The following FKBP5 variants were observed in gnomAD, a reference collection of about 807,000 sequenced individuals.
FKBP5 encodes peptidyl-prolyl cis-trans isomerase FKBP5.
FKBP5 carries 23 observed loss-of-function variants against 50.5 expected under a neutral mutation model. The observed-to-expected ratio is 0.46, with a 90% CI of 0.33 to 0.65. The LOEUF (loss-of-function observed/expected upper bound fraction) is 0.65, where lower values mean the gene tolerates loss of function less well. Among genes scored for constraint, FKBP5 ranks in the 30% least tolerant of loss-of-function variants. The probability of loss-of-function intolerance (pLI) is 0.02; values close to 1 mark genes in which losing one functional copy is unlikely to be tolerated. For missense variants in FKBP5, 411 were observed against 553.1 expected, an observed-to-expected ratio of 0.74 and a Z score of 2.58; for synonymous variants, 176 against 190.6, an observed-to-expected ratio of 0.92 and a Z score of 0.63.
At chr6:35,591,013 CTT>C in intron 7 of FKBP5, 115 bp downstream of exon 7, 2 of 602,464 alleles carry the variant, frequency 3.3e-6, no homozygotes, top group African/African-American at 1.9e-5. Context: ...AAGAGACAAA[CTT>C]GATAATGAAT....
rs1255969216 is a variant in FKBP5, at chr6:35,589,116, ATATATATATATATT to A, written c.756+2000_757-2000del. On this transcript the variant is annotated intron_variant, in intron 7 of 10. Coordinates refer to ENST00000357266, the MANE Select transcript of FKBP5 (RefSeq NM_004117.4). ...TTTATATATATATATATTTTTATATATATATATATATATTTTTTTTTTTTTCCTCTGAGACGGAG... is the reference window on the plus strand; with the variant it reads ...TTTATATATATATATATTTTTATATATTTTTTTTTTTCCTCTGAGACGGAG... Among the ~76,000 whole-genome samples the A allele has an allele frequency of 2.5e-3, 307 of 124,794 alleles. 1 individual carries two copies. The highest frequency in any genetic ancestry group is 8.4e-3 in the African/African-American group (263 of 31,146). 81.9% of individuals were successfully genotyped at this position (124,794 alleles called of 152,430 possible). A position where few individuals can be genotyped will look rare whatever the true frequency, so the allele number is the denominator to read the frequency against.
In FKBP5 at chr6:35,637,169, C is replaced by G; in HGVS notation, c.106-11G>C. On this transcript the variant is annotated splice_polypyrimidine_tract_variant and intron_variant, in intron 2 of 10. Coordinates refer to ENST00000357266, the MANE Select transcript of FKBP5 (RefSeq NM_004117.4). ...CACTCTTTTGACAATCTAGAAAAGACAAACATTAAGAAAAAGGAGGTCAAA... is the reference window on the plus strand; with the variant it reads ...CACTCTTTTGACAATCTAGAAAAGAGAAACATTAAGAAAAAGGAGGTCAAA... 3 of 1,601,200 alleles carry G rather than the reference C, an allele frequency of 1.9e-6. No homozygotes were observed. Among genetic ancestry groups the G allele is most frequent in the Non-Finnish European group, 2.5e-6 (3 of 1,177,298 alleles).
intron 2 of FKBP5, among the ~76,000 whole-genome samples, chr6:35,702,419 A>T (rs1766205262): frequency 6.6e-6 from 1 of 151,808 alleles, no homozygotes; most frequent in South Asian, 2.1e-4. Context: ...AATGGTGCTA[A>T]AACAACTGGA....
chr6:35,690,033 A>T (rs565782284), upstream of FKBP5, among the ~76,000 whole-genome samples: 4 of 152,322 alleles, frequency 2.6e-5, no homozygotes, highest in East Asian at 5.8e-4. Flanking sequence ...GTGGGACCTA[A>T]TAGTTACCTA....
intron 3 of FKBP5, among the ~76,000 whole-genome samples, chr6:35,625,425 T>A (rs760102286): frequency 6.6e-6 from 1 of 151,736 alleles, no homozygotes; most frequent in African/African-American, 2.4e-5. Context: ...ATCTTCAGGA[T>A]CTCAGTCATA....
chr6:35,603,562 A>C (rs1479717478), intron 5 of FKBP5, among the ~76,000 whole-genome samples: 1 of 152,170 alleles, frequency 6.6e-6, no homozygotes, highest in Non-Finnish European at 1.5e-5. Context: ...AATTCTAGGA[A>C]GCTATACAAA....
At chr6:35,591,602 C>A (rs980347644) in intron 6 of FKBP5, among the ~76,000 whole-genome samples, 1 of 151,668 alleles carries the variant, frequency 6.6e-6, no homozygotes, top group African/African-American at 2.4e-5. Context: ...GTTTTATCAG[C>A]AAAAAGGACA....
intron 1 of FKBP5, among the ~76,000 whole-genome samples, chr6:35,644,780 T>G (rs1375799118): frequency 6.6e-6 from 1 of 152,176 alleles, no homozygotes. Context: ...CACAGAAACT[T>G]GTAAAAGGCA....
At chr6:35,638,200 T>C (rs1040326591) in intron 2 of FKBP5, among the ~76,000 whole-genome samples, 1 of 152,208 alleles carries the variant, frequency 6.6e-6, no homozygotes, top group Non-Finnish European at 1.5e-5. Flanking sequence ...TTGTAATCTA[T>C]GCCAAATTAA....
At chr6:35,653,356 T>A (rs1465058580) in intron 1 of FKBP5, among the ~76,000 whole-genome samples, 1 of 152,014 alleles carries the variant, frequency 6.6e-6, no homozygotes, top group African/African-American at 2.4e-5. Context: ...TGTCTCTTAA[T>A]AAAAAAAGAT....
At chr6:35,606,427 G>T (rs1183238345) in intron 5 of FKBP5, among the ~76,000 whole-genome samples, 1 of 151,954 alleles carries the variant, frequency 6.6e-6, no homozygotes, top group Non-Finnish European at 1.5e-5. Flanking sequence ...GGAGGCCGAG[G>T]CAGGCAGATC....
Position 35,683,095 on chromosome 6 carries a change from AGTGT to A in FKBP5, c.-20+5705_-20+5708del, listed in dbSNP as rs1297051166. 1.3e-3 allele frequency among the ~76,000 whole-genome samples: 191 copies of A among 147,504 alleles called. 5 individuals are homozygous for A. Among genetic ancestry groups the A allele is most frequent in the Admixed American group, 0.012 (179 of 14,638 alleles). ...CCCAAGCTCTTTCTTTAAAAAAAAA[AGTGT>A]GTGTGTATATATATACGTATATGTG... On this transcript the variant is annotated intron_variant, in intron 1 of 10. Transcript: ENST00000357266.
At chr6:35,627,191 T>C (rs1389745320) in intron 3 of FKBP5, among the ~76,000 whole-genome samples, 2 of 152,244 alleles carry the variant, frequency 1.3e-5, no homozygotes, top group Non-Finnish European at 2.9e-5. Flanking sequence ...ATGAGGGTAA[T>C]ACTTCACTGT....
chr6:35,620,563 T>C (rs1029724476), intron 3 of FKBP5, among the ~76,000 whole-genome samples: 5 of 122,648 alleles, frequency 4.1e-5, no homozygotes, highest in Non-Finnish European at 7.0e-5. Flanking sequence ...ACCTCATCTC[T>C]AAAAAAAAAA....
At position 35,619,270 on chromosome 6, in the gene FKBP5, T is replaced by C. The variant is rs914732310; in HGVS notation, c.394-60A>G. The C allele has an allele frequency of 5.4e-6, 6 of 1,111,190 alleles. No individual in the cohort carries two copies. The African/African-American group carries it at 9.3e-5, about 17-fold the overall frequency. The allele number at this position is 1,111,190 out of a possible 1,614,324, so 68.8% of individuals were successfully genotyped here. On this transcript the variant is annotated intron_variant, in intron 4 of 10. Coordinates refer to ENST00000357266, the MANE Select transcript of FKBP5 (RefSeq NM_004117.4). Reference sequence around the variant, plus strand: ...CCAAATAAAGCCAACTGAACATATGTGAAGGCAAGGGCAACCAATTATTTC... The same window carrying C: ...CCAAATAAAGCCAACTGAACATATGCGAAGGCAAGGGCAACCAATTATTTC...
chr6:35,689,572 G>A (rs1581888150), upstream of FKBP5, among the ~76,000 whole-genome samples: 1 of 152,242 alleles, frequency 6.6e-6, no homozygotes, highest in East Asian at 1.9e-4. Flanking sequence ...GCCAGGTGGG[G>A]TGGCTCACGC....
chr6:35,605,971 G>T (rs1004333085), intron 5 of FKBP5, among the ~76,000 whole-genome samples: 8 of 152,166 alleles, frequency 5.3e-5, no homozygotes, highest in Non-Finnish European at 1.0e-4. Flanking sequence ...AATCCTAGAA[G>T]AAAAGCTAGA....
chr6:35,581,265 AACATATATAAT>A, intron 8 of FKBP5: 2 of 483,226 alleles, frequency 4.1e-6, no homozygotes, highest in Non-Finnish European at 5.3e-6. Flanking sequence ...TATAAATATA[AACATATATAAT>A]ATATATATAA....
At chr6:35,680,067 ATCT>A (rs1276933165) in intron 1 of FKBP5, among the ~76,000 whole-genome samples, 2 of 152,134 alleles carry the variant, frequency 1.3e-5, no homozygotes, top group Non-Finnish European at 2.9e-5. Context: ...TACTTCAAAC[ATCT>A]TCTACTCGAC....
Sources: allele counts gnomAD v4.1 joint callset (sites outside exome capture counted in the v4.1 genomes callset), GRCh38; gene constraint gnomAD v4.1.1; transcripts MANE v1.5; gene names NCBI Gene and HGNC (gene_info 2026-07-23, HGNC 2026-07-21).